Variants in ORC3 observed in about 807,000 individuals in gnomAD.
The protein encoded by ORC3 is origin recognition complex subunit 3.
Under a neutral mutation model 100.7 loss-of-function variants are expected in ORC3, and 78 were observed. The observed-to-expected ratio is 0.77, with a 90% CI of 0.65 to 0.94. ORC3 has a LOEUF of 0.94. ORC3 is among the 40% of genes least tolerant of loss of function. ORC3 has a pLI of 0.00. For synonymous variants in ORC3, 295 were observed against 289.3 expected (o/e 1.02, Z -0.20); for missense variants, 789 against 823.9 (o/e 0.96, Z 0.52).
rs750618137 is a variant in ORC3 at position 87,653,242 on chromosome 6, C to A, written c.1509C>A (p.Ser503Arg). 1 of 1,613,264 alleles carries A rather than the reference C, an allele frequency of 6.2e-7. No homozygotes were observed. The highest frequency in any genetic ancestry group is 1.1e-5 in the South Asian group (1 of 91,016). ...AGGAGTTCCTGGCCCAGTTTCAGAG[C>A]CTCGATGGTAAGAGTGTAATATCCT... ...RIEEFLAQFQSLDETKEEEDA... is the reference protein window; with the variant it reads ...RIEEFLAQFQRLDETKEEEDA... Residue 503 changes from serine to arginine, a missense_variant, in exon 14 of 20, where the codon AGC becomes AGA. By Grantham distance (110) the Ser-to-Arg change is moderately radical (BLOSUM62 -1). Around this residue, in one of 3 missense-constraint regions of ORC3, gnomAD observed 366 missense variants for 394.2 expected, o/e 0.93. Coordinates refer to ENST00000392844, the MANE Select transcript of ORC3 (RefSeq NM_012381.4).
intron 18 of ORC3, among the ~76,000 whole-genome samples, chr6:87,665,206 T>C (rs908038959): frequency 6.6e-6 from 1 of 152,208 alleles, no homozygotes; most frequent in Non-Finnish European, 1.5e-5. Context: ...AAGTATATTA[T>C]TAACTAGCAT....
intron 2 of ORC3, among the ~76,000 whole-genome samples, chr6:87,600,850 T>C (rs959310051): frequency 1.3e-5 from 2 of 152,116 alleles, no homozygotes; most frequent in Admixed American, 1.3e-4. Flanking sequence ...TAAGGGTGAG[T>C]GTTGTTTTTT....
intron 13 of ORC3, among the ~76,000 whole-genome samples, chr6:87,644,990 C>T (rs1274671305): frequency 1.3e-5 from 2 of 152,128 alleles, no homozygotes; most frequent in African/African-American, 4.8e-5. Context: ...TCATGACTTC[C>T]AGGTGCTTCC....
At chr6:87,657,005 C>T (rs746650055) in intron 15 of ORC3, 23 bp downstream of exon 15, 1 of 1,445,858 alleles carries the variant, frequency 6.9e-7, no homozygotes, top group Admixed American at 1.7e-5. Context: ...TCTTCCCTTC[C>T]AGCTGCATCC....
At chr6:87,652,970 A>C in intron 13 of ORC3, 146 bp from the exon 14 acceptor site, 1 of 584,832 alleles carries the variant, frequency 1.7e-6, no homozygotes, top group Non-Finnish European at 2.8e-6. Flanking sequence ...ATGGAGGAAA[A>C]TCTCTCCAAA....
In ORC3 at chr6:87,594,203, G is replaced by C. The variant is rs1582987803; in HGVS notation, c.25-150G>C. Reference sequence around the variant, plus strand: ...TTTTCCTTCTATAGGTCAGAGAGAAGTGATGTGATTTCTTAGAACCTGAAA... The same window carrying C: ...TTTTCCTTCTATAGGTCAGAGAGAACTGATGTGATTTCTTAGAACCTGAAA... On this transcript the variant is annotated intron_variant, in intron 1 of 19. Coordinates refer to ENST00000392844, the MANE Select transcript of ORC3 (RefSeq NM_012381.4). 3 of 550,562 alleles carry C rather than the reference G, an allele frequency of 5.4e-6. No homozygotes were observed. The East Asian group carries it at 7.9e-5, about 15-fold the overall frequency. 34.1% of individuals were successfully genotyped at this position (550,562 alleles called of 1,614,324 possible).
chr6:87,670,288 C>T (rs1435186662), downstream of ORC3, among the ~76,000 whole-genome samples: 4 of 152,136 alleles, frequency 2.6e-5, 1 homozygote, highest in Non-Finnish European at 5.9e-5. Context: ...GCCTCGGCCT[C>T]CCAAGTAGCT....
chr6:87,655,851 A>C (rs865918925), intron 14 of ORC3, among the ~76,000 whole-genome samples: 1 of 152,140 alleles, frequency 6.6e-6, no homozygotes, highest in Non-Finnish European at 1.5e-5. Context: ...CATGTAGCAA[A>C]CTACATGTTA....
the ORC3 span, among the ~76,000 whole-genome samples, chr6:87,673,867 T>C: frequency 6.6e-6 from 1 of 150,970 alleles, no homozygotes; most frequent in Non-Finnish European, 1.5e-5. Flanking sequence ...GGGAAGGGCA[T>C]AGAATCATGC....
At chr6:87,640,774 A>G (rs763333814) in intron 13 of ORC3, among the ~76,000 whole-genome samples, 1 of 152,170 alleles carries the variant, frequency 6.6e-6, no homozygotes, top group Non-Finnish European at 1.5e-5. Context: ...AATTCACTGA[A>G]CCTTGCATAA....
At chr6:87,621,084 A>T (rs1196166222) in intron 9 of ORC3, among the ~76,000 whole-genome samples, 6 of 152,138 alleles carry the variant, frequency 3.9e-5, no homozygotes, top group East Asian at 1.9e-4. Flanking sequence ...GCTTTTGCAG[A>T]TAGCTGTTCT....
intron 11 of ORC3, among the ~76,000 whole-genome samples, chr6:87,632,139 G>A (rs1767471987): frequency 6.6e-6 from 1 of 152,034 alleles, no homozygotes; most frequent in Non-Finnish European, 1.5e-5. Context: ...ACTCCAGCCT[G>A]GGCAACAGAG....
intron 13 of ORC3, among the ~76,000 whole-genome samples, chr6:87,644,352 A>G (rs1398431652): frequency 1.2e-5 from 1 of 80,062 alleles, no homozygotes; most frequent in Non-Finnish European, 2.4e-5. Flanking sequence ...TCGGCCTCCC[A>G]AAGTGCTGGG....
chr6:87,624,577 T>TA (rs1205604037), intron 11 of ORC3, among the ~76,000 whole-genome samples: 1 of 152,232 alleles, frequency 6.6e-6, no homozygotes, highest in African/African-American at 2.4e-5. Context: ...TATGGTTTTG[T>TA]AAAAATACAT....
At chr6:87,629,259 G>A (rs1446575609) in intron 11 of ORC3, among the ~76,000 whole-genome samples, 1 of 152,108 alleles carries the variant, frequency 6.6e-6, no homozygotes, top group Admixed American at 6.5e-5. Context: ...TCAACAGTCT[G>A]TTTTACCAGT....
chr6:87,594,843 A>G (rs2128243063), intron 2 of ORC3, among the ~76,000 whole-genome samples: 1 of 152,318 alleles, frequency 6.6e-6, no homozygotes, highest in East Asian at 1.9e-4. Flanking sequence ...ATAAAATGAT[A>G]ATTGGTAACA....
chr6:87,649,474 G>A (rs141354121), intron 13 of ORC3, among the ~76,000 whole-genome samples: 8 of 152,286 alleles, frequency 5.3e-5, no homozygotes, highest in African/African-American at 1.7e-4. Flanking sequence ...ACGGCCAGGC[G>A]CCATGGCTCA....
At chr6:87,650,949 G>T (rs531678082) in intron 13 of ORC3, 47 of 327,698 alleles carry the variant, frequency 1.4e-4, no homozygotes, top group African/African-American at 9.7e-4. Context: ...AGAGGTTGCG[G>T]TGAGCCGAGA....
intron 11 of ORC3, among the ~76,000 whole-genome samples, chr6:87,626,798 A>G (rs1048176859): frequency 1.3e-5 from 2 of 151,992 alleles, no homozygotes; most frequent in Non-Finnish European, 1.5e-5. Context: ...AAAAAAAAAA[A>G]AAAAAGTAGG....
Sources: allele counts gnomAD v4.1 joint callset (sites outside exome capture counted in the v4.1 genomes callset), GRCh38; gene constraint gnomAD v4.1.1; regional missense constraint gnomAD v4.1.1; transcripts MANE v1.5; gene names NCBI Gene and HGNC (gene_info 2026-07-23, HGNC 2026-07-21).